SV2C: variants seen among roughly 807,000 people sequenced by gnomAD.
The protein encoded by SV2C is solute carrier family 22 member B3.
A neutral mutation model predicts 79.7 loss-of-function variants in SV2C; 49 were observed. That is an observed-to-expected ratio of 0.61 (90% CI 0.49 to 0.78). SV2C has a LOEUF of 0.78. Among genes scored for constraint, SV2C ranks in the 30% least tolerant of loss-of-function variants. The probability of loss-of-function intolerance (pLI) is 0.00; values close to 1 mark genes in which losing one functional copy is unlikely to be tolerated. For missense variants in SV2C, 833 were observed against 912.9 expected, an observed-to-expected ratio of 0.91 and a Z score of 1.13; for synonymous variants, 334 against 333.2, an observed-to-expected ratio of 1.00 and a Z score of -0.03.
At chr5:76,101,808 G>T (rs973964925) in intron 1 of SV2C, among the ~76,000 whole-genome samples, 1 of 152,150 alleles carries the variant, frequency 6.6e-6, no homozygotes, top group Non-Finnish European at 1.5e-5. Flanking sequence ...TCTCTGCTAT[G>T]AAGAACTTTT....
the SV2C span, among the ~76,000 whole-genome samples, chr5:75,964,178 C>A: frequency 2.0e-5 from 3 of 151,962 alleles, no homozygotes; most frequent in African/African-American, 7.3e-5. Flanking sequence ...GTGTTACAGT[C>A]CTTGTTTGTA....
At chr5:76,343,564 C>A (rs977693901) in intron 12 of SV2C, among the ~76,000 whole-genome samples, 4 of 152,128 alleles carry the variant, frequency 2.6e-5, no homozygotes, top group Non-Finnish European at 5.9e-5. Context: ...ACTGATAATA[C>A]CATGTGCTGA....
chr5:76,091,404 CCT>C (rs1450578568), intron 1 of SV2C, among the ~76,000 whole-genome samples: 1 of 152,196 alleles, frequency 6.6e-6, no homozygotes, highest in African/African-American at 2.4e-5. Context: ...GTTCTTGTCT[CCT>C]GCTCTGGTCC....
the SV2C span, among the ~76,000 whole-genome samples, chr5:75,979,076 AG>A: frequency 1.3e-5 from 2 of 152,212 alleles, no homozygotes; most frequent in Non-Finnish European, 2.9e-5. Flanking sequence ...AAAATGCAGG[AG>A]GGATTGCAAT....
intron 12 of SV2C, among the ~76,000 whole-genome samples, chr5:76,344,681 C>G (rs924257321): frequency 6.6e-6 from 1 of 151,908 alleles, no homozygotes; most frequent in Non-Finnish European, 1.5e-5. Context: ...TGCACTCCAG[C>G]CTGGGCAACA....
chr5:76,223,923 A>T (rs529727284), intron 4 of SV2C, among the ~76,000 whole-genome samples: 2 of 152,012 alleles, frequency 1.3e-5, no homozygotes, highest in Non-Finnish European at 2.9e-5. Flanking sequence ...GGGATGGGGA[A>T]GTGGTGGGGG....
chr5:75,867,492 C>T, the SV2C span, among the ~76,000 whole-genome samples: 5 of 152,204 alleles, frequency 3.3e-5, no homozygotes, highest in East Asian at 5.8e-4. Context: ...TTGAAAAATG[C>T]TAAAAATTCC....
chr5:75,935,918 A>C, the SV2C span, among the ~76,000 whole-genome samples: 1 of 152,200 alleles, frequency 6.6e-6, no homozygotes, highest in Non-Finnish European at 1.5e-5. Flanking sequence ...TTAAAACAGA[A>C]ATAAAAAGTT....
At chr5:76,349,669 ATTTT>A (rs34691117) in intron 12 of SV2C, among the ~76,000 whole-genome samples, 2 of 137,498 alleles carry the variant, frequency 1.5e-5, no homozygotes, top group African/African-American at 2.6e-5. Context: ...TTTAGCCTTC[ATTTT>A]TTTTTTTTTT....
At chr5:76,297,243 A>G (rs1275252129) in intron 9 of SV2C, among the ~76,000 whole-genome samples, 4 of 152,208 alleles carry the variant, frequency 2.6e-5, no homozygotes, top group African/African-American at 9.6e-5. Flanking sequence ...TTTAAAAAAT[A>G]GCTTTTTTAT....
the SV2C span, among the ~76,000 whole-genome samples, chr5:75,901,949 G>C: frequency 1.3e-5 from 2 of 152,232 alleles, no homozygotes; most frequent in East Asian, 3.9e-4. Context: ...GAAAAGCGCA[G>C]TATTCGGGTG....
At chr5:76,239,085 T>G (rs1745702387) in intron 4 of SV2C, among the ~76,000 whole-genome samples, 1 of 148,772 alleles carries the variant, frequency 6.7e-6, no homozygotes, top group African/African-American at 2.6e-5. Context: ...ATAAATAGTC[T>G]TCCCCCCCAC....
chr5:76,167,104 C>T (rs1264736865), intron 2 of SV2C, among the ~76,000 whole-genome samples: 1 of 152,216 alleles, frequency 6.6e-6, no homozygotes, highest in African/African-American at 2.4e-5. Context: ...TTTTCATATT[C>T]TGTCATGCTA....
At chr5:75,944,892 C>CA in the SV2C span, among the ~76,000 whole-genome samples, 1 of 151,970 alleles carries the variant, frequency 6.6e-6, no homozygotes, top group Non-Finnish European at 1.5e-5. Flanking sequence ...CTAAAACCCC[C>CA]AAAAAAGATG....
In SV2C at chr5:76,326,974, A is replaced by T. The variant is rs1361217976; in HGVS notation, c.*1427A>T. Reference sequence around the variant, plus strand: ...ACCAGAAGCCAGGAATAAATCCCATATTTAAACAATATTCCTTTTTTAACT... The same window carrying T: ...ACCAGAAGCCAGGAATAAATCCCATTTTTAAACAATATTCCTTTTTTAACT... On this transcript the variant is annotated 3_prime_UTR_variant, in exon 13 of 13. Coordinates refer to ENST00000502798, the MANE Select transcript of SV2C (RefSeq NM_014979.4). The T allele has an allele frequency of 1.3e-5, 2 of 152,282 alleles. No homozygotes were observed. The allele number at this position is 152,282 out of a possible 1,614,324, so 9.4% of individuals were successfully genotyped here.
rs1408310222 is a variant in SV2C at position 76,173,275 on chromosome 5, T to C, written c.581-21644T>C. 3.3e-5 allele frequency among the ~76,000 whole-genome samples: 5 copies of C among 150,744 alleles called. No individual in the cohort carries two copies. The East Asian group carries it at 7.7e-4, about 23-fold the overall frequency. On this transcript the variant is annotated intron_variant, in intron 2 of 12. Transcript: ENST00000502798. ...GTGGTGCTTTTAGGATTTACATTAT[T>C]GTACTCTCCAATACAAAGTATGGGG...
At chr5:76,344,152 C>T (rs558664915) in intron 12 of SV2C, among the ~76,000 whole-genome samples, 2 of 152,346 alleles carry the variant, frequency 1.3e-5, no homozygotes, top group South Asian at 4.1e-4. Flanking sequence ...TTCTACTTCT[C>T]CCTGTTTTCC....
intron 2 of SV2C, among the ~76,000 whole-genome samples, chr5:76,162,898 C>T (rs1303570615): frequency 1.3e-5 from 2 of 152,190 alleles, no homozygotes; most frequent in South Asian, 2.1e-4. Flanking sequence ...TGCAGGACTT[C>T]TCAGTTATTA....
At chr5:76,336,702 C>T (rs1211319803), downstream of SV2C, among the ~76,000 whole-genome samples, 3 of 152,170 alleles carry the variant, frequency 2.0e-5, no homozygotes, top group African/African-American at 7.2e-5. Flanking sequence ...ACCAGCCCGG[C>T]CAACACAGCG....
Sources: gnomAD v4.1 joint callset for allele counts (sites outside exome capture counted in the v4.1 genomes callset) on GRCh38, gnomAD v4.1.1 for gene constraint, MANE v1.5 for transcripts, NCBI Gene and HGNC (gene_info 2026-07-23, HGNC 2026-07-21) for gene names.